The following ZMYND8 variants were observed in gnomAD, a reference collection of about 807,000 sequenced individuals.
The protein encoded by ZMYND8 is zinc finger MYND-type containing 8.
A neutral mutation model predicts 140.8 loss-of-function variants in ZMYND8; 37 were observed. The ratio of observed to expected loss-of-function variants is 0.26; its 90% CI spans 0.20 to 0.35. The LOEUF (loss-of-function observed/expected upper bound fraction) is 0.35, where lower values mean the gene tolerates loss of function less well. ZMYND8 is among the 10% of genes least tolerant of loss of function. The probability of loss-of-function intolerance (pLI) is 1.00; values close to 1 mark genes in which losing one functional copy is unlikely to be tolerated. For synonymous variants in ZMYND8, 592 were observed against 597.1 expected, an observed-to-expected ratio of 0.99 and a Z score of 0.12; for missense variants, 1,068 against 1,570.0, an observed-to-expected ratio of 0.68 and a Z score of 5.40.
At chr20:47,275,467 C>G (rs2076199271) in intron 11 of ZMYND8, among the ~76,000 whole-genome samples, 1 of 146,046 alleles carries the variant, frequency 6.8e-6, no homozygotes, top group African/African-American at 2.5e-5. Context: ...GCACTCCAGT[C>G]TGGGTGACAG....
intron 2 of ZMYND8, among the ~76,000 whole-genome samples, chr20:47,337,225 G>A (rs987082265): frequency 3.9e-5 from 6 of 152,000 alleles, no homozygotes; most frequent in South Asian, 2.1e-4. Context: ...GGTGGCAGGC[G>A]CCTGTAACCC....
At chr20:47,291,082 C>CA in intron 6 of ZMYND8, among the ~76,000 whole-genome samples, 1 of 152,224 alleles carries the variant, frequency 6.6e-6, no homozygotes, top group Admixed American at 6.5e-5. Flanking sequence ...GTCAGGTTTC[C>CA]AACTCCATCT....
chr20:47,222,822 A>G (rs1222802602), intron 19 of ZMYND8, among the ~76,000 whole-genome samples: 1 of 152,274 alleles, frequency 6.6e-6, no homozygotes, highest in Non-Finnish European at 1.5e-5. Context: ...AGATTTGTCT[A>G]GAGCAAGAGC....
At chr20:47,274,208 G>C (rs2076125542) in intron 11 of ZMYND8, among the ~76,000 whole-genome samples, 1 of 152,162 alleles carries the variant, frequency 6.6e-6, no homozygotes, top group Admixed American at 6.5e-5. Context: ...ATGTGGTGCA[G>C]GAGAACCAAT....
chr20:47,251,290 CA>C (rs1490092194), intron 12 of ZMYND8, among the ~76,000 whole-genome samples: 3 of 152,064 alleles, frequency 2.0e-5, no homozygotes, highest in Non-Finnish European at 4.4e-5. Flanking sequence ...GAAGAATGTG[CA>C]AATTTACTGC....
At chr20:47,341,800 G>A (rs1468813877) in intron 2 of ZMYND8, among the ~76,000 whole-genome samples, 3 of 151,504 alleles carry the variant, frequency 2.0e-5, no homozygotes, top group South Asian at 2.1e-4. Context: ...TCAGGAGATC[G>A]AGACCATCCT....
chr20:47,335,382 G>A (rs1054302016), intron 2 of ZMYND8, among the ~76,000 whole-genome samples: 2 of 152,044 alleles, frequency 1.3e-5, no homozygotes, highest in East Asian at 3.9e-4. Flanking sequence ...GGGAGTCACA[G>A]GAAGTTGAAG....
At chr20:47,287,362 A>G (rs1358935726) in intron 7 of ZMYND8, 78 bp from the exon 8 acceptor site, 3 of 1,237,352 alleles carry the variant, frequency 2.4e-6, no homozygotes, top group Non-Finnish European at 3.6e-6. Flanking sequence ...TTCCGCTAAC[A>G]ATGTGTTTAC....
intron 2 of ZMYND8, among the ~76,000 whole-genome samples, chr20:47,328,458 C>G (rs2080643278): frequency 1.3e-5 from 2 of 152,052 alleles, no homozygotes; most frequent in Non-Finnish European, 2.9e-5. Context: ...CCCTCTGCCA[C>G]CCCACAAAAA....
intron 15 of ZMYND8, 130 bp downstream of exon 15, chr20:47,238,628 G>T: frequency 6.9e-7 from 1 of 1,447,568 alleles, no homozygotes; most frequent in Non-Finnish European, 9.4e-7. Flanking sequence ...AATGTGCAAG[G>T]CCTTCAAGAT....
At chr20:47,348,147 A>T in intron 1 of ZMYND8, 1 of 568,274 alleles carries the variant, frequency 1.8e-6, no homozygotes, top group Non-Finnish European at 3.1e-6. Flanking sequence ...AAGTCAAATT[A>T]CTATTCCAGT....
rs924268318 is a variant in ZMYND8, at chr20:47,298,183, G to GA, written c.453+545dup. On this transcript the variant is annotated intron_variant, in intron 4 of 22. Transcript: ENST00000471951. This position sits in a 1 kb window ranked among gnomAD's most constrained non-coding sequence, Gnocchi z 5.0. ...TTTTGGTTTTTGTCCTTTTCTGCTG[G>GA]AAAAAAAAAAATGATCCATGCCTGT... 12,900 of 688,246 alleles carry GA rather than the reference G, an allele frequency of 0.019. No homozygotes were observed. Among genetic ancestry groups the GA allele is most frequent in the Non-Finnish European group, 0.021 (11,768 of 562,260 alleles). The allele number at this position is 688,246 out of a possible 1,614,324, so 42.6% of individuals were successfully genotyped here. A position where few individuals can be genotyped will look rare whatever the true frequency, so the allele number is the denominator to read the frequency against.
chr20:47,310,250 C>T (rs773550570), intron 2 of ZMYND8, 46 bp from the exon 3 acceptor site: 2 of 1,549,116 alleles, frequency 1.3e-6, no homozygotes, highest in South Asian at 2.6e-5. Context: ...TCAGGGAGGC[C>T]TGGGCCCCAC....
chr20:47,304,730 G>C (rs1367698593), intron 3 of ZMYND8, among the ~76,000 whole-genome samples: 2 of 152,240 alleles, frequency 1.3e-5, no homozygotes, highest in Non-Finnish European at 2.9e-5. Context: ...TAGCCCTGGA[G>C]TGTGAGGATG....
intron 19 of ZMYND8, among the ~76,000 whole-genome samples, chr20:47,222,866 C>G (rs569108202): frequency 2.0e-5 from 3 of 152,248 alleles, no homozygotes; most frequent in African/African-American, 7.2e-5. Flanking sequence ...TATTGGCAGA[C>G]AGCCACATCC....
intron 8 of ZMYND8, among the ~76,000 whole-genome samples, chr20:47,285,395 T>C (rs1336099835): frequency 1.3e-5 from 2 of 152,252 alleles, no homozygotes; most frequent in Non-Finnish European, 2.9e-5. Flanking sequence ...GTGCACCTCC[T>C]GCTTCTAAGC....
At chr20:47,315,888 G>A (rs898295991) in intron 2 of ZMYND8, among the ~76,000 whole-genome samples, 1 of 152,158 alleles carries the variant, frequency 6.6e-6, no homozygotes, top group Non-Finnish European at 1.5e-5. Context: ...ATGAGTTAAC[G>A]TGGGTGAGGG....
intron 12 of ZMYND8, among the ~76,000 whole-genome samples, chr20:47,251,874 G>A (rs1222504706): frequency 6.6e-6 from 1 of 151,952 alleles, no homozygotes; most frequent in Non-Finnish European, 1.5e-5. Context: ...CTGTCTGGCC[G>A]CCATGCAAGC....
intron 18 of ZMYND8, 65 bp downstream of exon 18, chr20:47,227,138 C>G: frequency 6.5e-7 from 1 of 1,534,710 alleles, no homozygotes; most frequent in Admixed American, 1.7e-5. Flanking sequence ...CGGCTTGACT[C>G]CAGAGGTGCA....
Sources: gnomAD v4.1 joint callset for allele counts (sites outside exome capture counted in the v4.1 genomes callset) on GRCh38, gnomAD v4.1.1 for gene constraint, Gnocchi (gnomAD v3.1) non-coding constraint, MANE v1.5 for transcripts, NCBI Gene and HGNC (gene_info 2026-07-23, HGNC 2026-07-21) for gene names.